The following VPS8 variants were observed in gnomAD, a reference collection of about 807,000 sequenced individuals.
The protein encoded by VPS8 is vacuolar protein sorting-associated protein 8 homolog.
Under a neutral mutation model 216.4 loss-of-function variants are expected in VPS8, and 129 were observed. The observed-to-expected ratio is 0.60, with a 90% CI of 0.52 to 0.69. The LOEUF is 0.69. VPS8 is among the 30% of genes least tolerant of loss of function. VPS8 has a pLI of 0.00. For missense variants in VPS8, 1,531 were observed against 1,683.5 expected, an observed-to-expected ratio of 0.91 and a Z score of 1.59; for synonymous variants, 571 against 565.4, an observed-to-expected ratio of 1.01 and a Z score of -0.14.
chr3:184,857,084 A>C (rs1275136801), intron 14 of VPS8, among the ~76,000 whole-genome samples: 2 of 152,228 alleles, frequency 1.3e-5, no homozygotes, highest in African/African-American at 2.4e-5. Flanking sequence ...AGAAAGCTCC[A>C]TAACTCTAGA....
chr3:185,046,826 G>A (rs867192622), intron 46 of VPS8, among the ~76,000 whole-genome samples: 2 of 152,172 alleles, frequency 1.3e-5, no homozygotes, highest in Non-Finnish European at 2.9e-5. Flanking sequence ...GAGCCCAAGT[G>A]TGTCAGAGCC....
At chr3:185,037,586 C>G (rs915550413) in intron 46 of VPS8, among the ~76,000 whole-genome samples, 1 of 152,100 alleles carries the variant, frequency 6.6e-6, no homozygotes, top group African/African-American at 2.4e-5. Context: ...TTCTGGTCTT[C>G]TCTTTGTGCA....
At position 184,933,711 on chromosome 3, in the gene VPS8, C is replaced by T. The variant is rs183563530; in HGVS notation, c.2899-2535C>T. On this transcript the variant is annotated intron_variant, in intron 34 of 47. Transcript: ENST00000625842. Reference sequence around the variant, plus strand: ...TTAGAATACAGATGCCCAATTTTCCCAGCAGCAATTATTTTTAAAGGTTGC... The same window carrying T: ...TTAGAATACAGATGCCCAATTTTCCTAGCAGCAATTATTTTTAAAGGTTGC... 2.3e-3 allele frequency among the ~76,000 whole-genome samples: 355 copies of T among 152,220 alleles called. 1 individual carries two copies. Among genetic ancestry groups the T allele is most frequent in the Middle Eastern group, 0.01 (3 of 294 alleles).
chr3:184,885,931 C>G (rs1257276350), intron 21 of VPS8, 179 bp from the exon 22 acceptor site: 3 of 545,424 alleles, frequency 5.5e-6, no homozygotes, highest in Admixed American at 6.4e-5. Context: ...AATAGAATTA[C>G]TAGGTCAAAA....
intron 15 of VPS8, 123 bp downstream of exon 15, chr3:184,860,188 A>G: frequency 1.2e-6 from 1 of 836,442 alleles, no homozygotes; most frequent in Non-Finnish European, 1.8e-6. Flanking sequence ...TGAAATATGG[A>G]CAGTCCGGCA....
intron 39 of VPS8, among the ~76,000 whole-genome samples, chr3:184,968,989 CTT>C (rs1747882042): frequency 6.6e-6 from 1 of 152,124 alleles, no homozygotes; most frequent in Non-Finnish European, 1.5e-5. Flanking sequence ...ATTTGATTGA[CTT>C]TGTTATATTG....
intron 45 of VPS8, among the ~76,000 whole-genome samples, chr3:185,015,419 G>A (rs1000952291): frequency 1.3e-5 from 2 of 152,198 alleles, no homozygotes; most frequent in South Asian, 2.1e-4. Flanking sequence ...AATGAACCAC[G>A]TATGAAGAAT....
intron 40 of VPS8, among the ~76,000 whole-genome samples, chr3:184,976,709 C>T (rs190815398): frequency 2.0e-5 from 3 of 152,176 alleles, no homozygotes; most frequent in South Asian, 2.1e-4. Context: ...AATGAGAACA[C>T]GTGGTATTTG....
Position 184,996,381 on chromosome 3 carries a change from C to G in VPS8, c.3716C>G (p.Ser1239Ter). ...TSLLNQDLHWSLCNLRASVTR... is the reference protein window; with the variant it reads ...TSLLNQDLHW ...CTTCTAAACCAAGATCTCCATTGGT[C>G]ATTGTGTAACCTGAGAGCTTCGGTC... The change falls in exon 44 of 48, where the codon TCA (serine) becomes TGA (stop). Residue 1239 changes from serine (S) to a stop codon, truncating the protein, a stop_gained. Transcript: ENST00000625842. LOFTEE classifies it high-confidence loss of function. The G allele has an allele frequency of 6.2e-7, 1 of 1,613,752 alleles. No homozygotes were observed. The highest frequency in any genetic ancestry group is 8.5e-7 in the Non-Finnish European group (1 of 1,179,788).
intron 15 of VPS8, among the ~76,000 whole-genome samples, chr3:184,862,255 A>G (rs1055273933): frequency 1.3e-5 from 2 of 152,252 alleles, no homozygotes; most frequent in African/African-American, 4.8e-5. Context: ...AAATTTGAAA[A>G]TAAGAAATCT....
chr3:184,914,828 A>G (rs1349906207), intron 26 of VPS8, among the ~76,000 whole-genome samples, 153 bp from the exon 27 acceptor site: 1 of 152,222 alleles, frequency 6.6e-6, no homozygotes, highest in East Asian at 1.9e-4. Flanking sequence ...ACTGGGTGTC[A>G]TCTTGACCTG....
chr3:184,923,395 C>A (rs1030546703), intron 29 of VPS8, among the ~76,000 whole-genome samples: 14 of 152,270 alleles, frequency 9.2e-5, no homozygotes, highest in African/African-American at 3.1e-4. Flanking sequence ...GTCCTGTCCC[C>A]CCTGTCTCTG....
At chr3:184,991,084 T>C (rs1286825353) in intron 42 of VPS8, among the ~76,000 whole-genome samples, 1 of 152,230 alleles carries the variant, frequency 6.6e-6, no homozygotes, top group Non-Finnish European at 1.5e-5. Context: ...ACAAATTATT[T>C]ATAGACTCTC....
At position 184,860,036 on chromosome 3, in the gene VPS8, C is replaced by G; in HGVS notation, c.1195C>G (p.His399Asp). ...ACATGTTACTAAGCAAAAGCATCTT[C>G]ACCTATACTATGACCTCATCAACTT... ...AIHVTKQKHL[H>D]LYYDLINFTW... The change falls in exon 15 of 48, where the codon CAC becomes GAC. Residue 399 changes from histidine (H) to aspartate (D), a missense_variant. Coordinates refer to ENST00000625842, the MANE Select transcript of VPS8 (RefSeq NM_001009921.3). The G allele has an allele frequency of 6.2e-7, 1 of 1,612,918 alleles. No individual in the cohort carries two copies. Among genetic ancestry groups the G allele is most frequent in the Non-Finnish European group, 8.5e-7 (1 of 1,179,246 alleles).
intron 35 of VPS8, among the ~76,000 whole-genome samples, chr3:184,939,333 TTTATA>T (rs1264760138): frequency 6.6e-6 from 1 of 151,916 alleles, no homozygotes; most frequent in Non-Finnish European, 1.5e-5. Flanking sequence ...TAAATCATAT[TTTATA>T]TTAATCTTTT....
At chr3:184,976,150 A>G (rs1393668536) in intron 40 of VPS8, among the ~76,000 whole-genome samples, 2 of 152,144 alleles carry the variant, frequency 1.3e-5, no homozygotes, top group African/African-American at 4.8e-5. Flanking sequence ...GCCAATAATG[A>G]AATTCCCATG....
intron 34 of VPS8, among the ~76,000 whole-genome samples, chr3:184,933,270 A>G (rs1741002800): frequency 6.6e-6 from 1 of 152,156 alleles, no homozygotes; most frequent in Non-Finnish European, 1.5e-5. Flanking sequence ...GTGTAATGAT[A>G]CCTAATTATG....
intron 28 of VPS8, among the ~76,000 whole-genome samples, chr3:184,915,740 C>T (rs1477286820): frequency 3.9e-5 from 6 of 152,002 alleles, no homozygotes; most frequent in South Asian, 2.1e-4. Flanking sequence ...GCCTGGGAGC[C>T]GGAGGGTGCA....
intron 1 of VPS8, among the ~76,000 whole-genome samples, chr3:184,814,420 C>G (rs1426453663): frequency 6.6e-6 from 1 of 152,162 alleles, no homozygotes; most frequent in African/African-American, 2.4e-5. Context: ...CAAATTTTGT[C>G]ATTGTGCATG....
Sources: allele counts gnomAD v4.1 joint callset (sites outside exome capture counted in the v4.1 genomes callset), GRCh38; gene constraint gnomAD v4.1.1; transcripts MANE v1.5; gene names NCBI Gene and HGNC (gene_info 2026-07-23, HGNC 2026-07-21).